The following WDFY4 variants were observed in gnomAD, a reference collection of about 807,000 sequenced individuals.
WDFY4 encodes WD repeat- and FYVE domain-containing protein 4.
Under a neutral mutation model 351.9 loss-of-function variants are expected in WDFY4, and 169 were observed. The observed-to-expected ratio is 0.48, with a 90% confidence interval of 0.42 to 0.55. The LOEUF (loss-of-function observed/expected upper bound fraction) is 0.55, where lower values mean the gene tolerates loss of function less well. Among genes scored for constraint, WDFY4 ranks in the 20% least tolerant of loss-of-function variants. The pLI is 0.00. For synonymous variants in WDFY4, 1,622 were observed against 1,574.6 expected, an observed-to-expected ratio of 1.03 and a Z score of -0.71; for missense variants, 3,803 against 3,935.6, an observed-to-expected ratio of 0.97 and a Z score of 0.90.
chr10:48,866,060 G>GT (rs2069531345), intron 39 of WDFY4, among the ~76,000 whole-genome samples: 1 of 151,660 alleles, frequency 6.6e-6, no homozygotes, highest in Non-Finnish European at 1.5e-5. Flanking sequence ...TTTATTTATT[G>GT]TTTTTTATAT....
chr10:48,866,808 T>TGAG (rs1327478987), intron 39 of WDFY4, among the ~76,000 whole-genome samples: 11 of 152,236 alleles, frequency 7.2e-5, no homozygotes, highest in Non-Finnish European at 1.6e-4. Flanking sequence ...CGCCTGTATT[T>TGAG]ATATGAATCT....
intron 1 of WDFY4, among the ~76,000 whole-genome samples, chr10:48,706,393 T>C (rs76154311): frequency 0.014 from 2,084 of 152,268 alleles, 61 homozygotes; most frequent in African/African-American, 0.047. Context: ...CACTGGAGTC[T>C]GACTCCAGAA....
chr10:48,785,856 G>C (rs1291595465), intron 19 of WDFY4, among the ~76,000 whole-genome samples: 1 of 152,058 alleles, frequency 6.6e-6, no homozygotes, highest in East Asian at 1.9e-4. Flanking sequence ...TAGCTTGTTT[G>C]TGTCTACAAA....
chr10:48,965,814 T>TAGATTATATCTGTATCAGTTAGATAA (rs1842052635), intron 54 of WDFY4, among the ~76,000 whole-genome samples: 1 of 152,258 alleles, frequency 6.6e-6, no homozygotes. Context: ...CAGTTAGATA[T>TAGATTATATCTGTATCAGTTAGATAA]AGATTATATC....
chr10:48,852,476 G>GGA (rs2068988803), intron 39 of WDFY4, among the ~76,000 whole-genome samples: 1 of 152,118 alleles, frequency 6.6e-6, no homozygotes, highest in South Asian at 2.1e-4. Context: ...ACAGACCAAG[G>GGA]GATGATACAT....
In WDFY4 at chr10:48,781,354, T is replaced by A. The variant is rs2066219411; in HGVS notation, c.3576+1235T>A. On this transcript the variant is annotated intron_variant, in intron 19 of 61. Transcript: ENST00000325239. The stretch of plus-strand genomic sequence containing the variant: ...TCTTGTCGCCCAGGCTGGAGTGCAA[T>A]GGTGCGATCTCAGCTCTCCGCAACC... Among the ~76,000 whole-genome samples the A allele has an allele frequency of 2.0e-5, 3 of 151,998 alleles. No individual in the cohort carries two copies. In the South Asian group the frequency reaches 6.2e-4, roughly 31 times the overall value.
At position 48,731,492 on chromosome 10, in the gene WDFY4, C is replaced by G; in HGVS notation, c.1512C>G (p.Phe504Leu). 1.3e-6 allele frequency: 2 copies of G among 1,551,652 alleles called. No homozygotes were observed. Among genetic ancestry groups the G allele is most frequent in the Non-Finnish European group, 1.7e-6 (2 of 1,147,000 alleles). The change falls in exon 9 of 62, where the codon TTC becomes TTG. Residue 504 changes from phenylalanine (F) to leucine (L), a missense_variant. Phe to Leu is a conservative substitution (Grantham distance 22). Transcript: ENST00000325239. ...GGGACCCCCTCTTCACCGACATCTTCCGGGACTCAGGGCTCCTGGGCCTGC... is the reference window on the plus strand; with the variant it reads ...GGGACCCCCTCTTCACCGACATCTTGCGGGACTCAGGGCTCCTGGGCCTGC... ...AGGDPLFTDI[F>L]RDSGLLGLLL... is the part of the protein sequence containing the mutation.
chr10:48,866,877 C>T (rs775216575), intron 39 of WDFY4, among the ~76,000 whole-genome samples: 11 of 152,074 alleles, frequency 7.2e-5, no homozygotes, highest in African/African-American at 1.4e-4. Context: ...AGTATAGAGA[C>T]GTTCTTATCT....
At chr10:48,771,790 C>A (rs2065873922) in intron 13 of WDFY4, among the ~76,000 whole-genome samples, 2 of 152,156 alleles carry the variant, frequency 1.3e-5, no homozygotes, top group South Asian at 2.1e-4. Flanking sequence ...TCTTTAAACG[C>A]CTAGAGCTTT....
intron 2 of WDFY4, among the ~76,000 whole-genome samples, chr10:48,716,979 G>T (rs1364785019): frequency 1.3e-5 from 2 of 152,236 alleles, no homozygotes; most frequent in East Asian, 3.8e-4. Context: ...AAGTTTCGTA[G>T]ATGTGCGAAT....
chr10:48,829,430 G>A (rs1589707175), intron 37 of WDFY4, among the ~76,000 whole-genome samples: 1 of 152,126 alleles, frequency 6.6e-6, no homozygotes, highest in Admixed American at 6.5e-5. Context: ...TATTTTTCTA[G>A]CAGCCAGTTC....
At chr10:48,883,650 A>G (rs1356482435) in intron 43 of WDFY4, among the ~76,000 whole-genome samples, 3 of 152,146 alleles carry the variant, frequency 2.0e-5, no homozygotes, top group Non-Finnish European at 4.4e-5. Context: ...ATGCTTGATC[A>G]TATGGCCTTT....
intron 47 of WDFY4, among the ~76,000 whole-genome samples, chr10:48,935,866 G>A (rs1027247602): frequency 6.7e-6 from 1 of 150,146 alleles, no homozygotes; most frequent in African/African-American, 2.4e-5. Context: ...GCATTATCAT[G>A]AATAAGGCTG....
At position 48,826,637 on chromosome 10, in the gene WDFY4, G is replaced by T. The variant is rs560953673; in HGVS notation, c.5983-34G>T. ...ATCTAAAATTGTAAAGCACTCACAA[G>T]TTTGTGTATGTGTATGTTTTTTTAA... On this transcript the variant is annotated intron_variant, in intron 35 of 61. Transcript: ENST00000325239. 95 of 1,488,586 alleles carry T rather than the reference G, an allele frequency of 6.4e-5. No individual in the cohort carries two copies. In the African/African-American group the frequency reaches 1.2e-3, roughly 18 times the overall value. 92.2% of individuals were successfully genotyped at this position (1,488,586 alleles called of 1,614,324 possible). A position where few individuals can be genotyped will look rare whatever the true frequency, so the allele number is the denominator to read the frequency against.
At chr10:48,982,111 G>T (rs1461462299) in intron 61 of WDFY4, among the ~76,000 whole-genome samples, 1 of 152,232 alleles carries the variant, frequency 6.6e-6, no homozygotes, top group East Asian at 1.9e-4. Context: ...GCTGGGTGGG[G>T]CGGAGTGGAG....
chr10:48,812,222 A>G (rs1159598616), intron 30 of WDFY4, among the ~76,000 whole-genome samples: 1 of 127,964 alleles, frequency 7.8e-6, no homozygotes, highest in African/African-American at 3.6e-5. Context: ...ACAGAGTCTT[A>G]CTGTGTTACC....
intron 39 of WDFY4, among the ~76,000 whole-genome samples, chr10:48,858,708 C>T (rs1589762158): frequency 1.3e-5 from 2 of 152,090 alleles, no homozygotes; most frequent in South Asian, 2.1e-4. Context: ...CCAATTGACA[C>T]CAGTTTTGGA....
At chr10:48,855,286 C>T (rs1035932264) in intron 39 of WDFY4, among the ~76,000 whole-genome samples, 2 of 152,126 alleles carry the variant, frequency 1.3e-5, no homozygotes, top group Non-Finnish European at 2.9e-5. Flanking sequence ...ACCCCAGTAG[C>T]ATCCCTGACT....
chr10:48,888,547 G>A (rs2671691), intron 43 of WDFY4, among the ~76,000 whole-genome samples: 152,052 of 152,052 alleles, frequency 1, 76,026 homozygotes, highest in Non-Finnish European at 1. Context: ...GTCATCTTTT[G>A]GAAACAAACT....
Sources: gnomAD v4.1 joint callset for allele counts (sites outside exome capture counted in the v4.1 genomes callset) on GRCh38, gnomAD v4.1.1 for gene constraint, MANE v1.5 for transcripts, NCBI Gene and HGNC (gene_info 2026-07-23, HGNC 2026-07-21) for gene names.